SLIT2: variants seen among roughly 807,000 people sequenced by gnomAD.
SLIT2 encodes slit guidance ligand 2, also known as slit homolog 2 protein.
A neutral mutation model predicts 185.7 loss-of-function variants in SLIT2; 41 were observed. The ratio of observed to expected loss-of-function variants is 0.22; its 90% CI spans 0.17 to 0.29. The LOEUF is 0.29. SLIT2 is among the 10% of genes least tolerant of loss of function. The probability of loss-of-function intolerance (pLI) is 1.00; values close to 1 mark genes in which losing one functional copy is unlikely to be tolerated. For synonymous variants in SLIT2, 693 were observed against 680.2 expected, an observed-to-expected ratio of 1.02 and a Z score of -0.29; for missense variants, 1,571 against 1,909.0, an observed-to-expected ratio of 0.82 and a Z score of 3.30.
intron 4 of SLIT2, among the ~76,000 whole-genome samples, chr4:20,298,389 C>T (rs1716706905): frequency 6.6e-6 from 1 of 152,050 alleles, no homozygotes; most frequent in Non-Finnish European, 1.5e-5. Flanking sequence ...GCACCCGGCC[C>T]TATTTTCTGT....
At chr4:20,503,586 A>G (rs565320267) in intron 9 of SLIT2, among the ~76,000 whole-genome samples, 25 of 152,060 alleles carry the variant, frequency 1.6e-4, no homozygotes, top group Admixed American at 4.6e-4. Context: ...AGTCTACACC[A>G]TTTGGTTGCA....
intron 4 of SLIT2, among the ~76,000 whole-genome samples, chr4:20,436,673 A>G (rs987978182): frequency 6.6e-6 from 1 of 152,228 alleles, no homozygotes; most frequent in Admixed American, 6.5e-5. Context: ...ATAAAGTTAA[A>G]TTGGAACACA....
At chr4:20,397,170 C>G (rs1725961759) in intron 4 of SLIT2, among the ~76,000 whole-genome samples, 1 of 151,698 alleles carries the variant, frequency 6.6e-6, no homozygotes, top group Non-Finnish European at 1.5e-5. Context: ...CAGAGTATCA[C>G]AAGTTTAGTG....
chr4:20,596,843 A>G (rs529331176), intron 32 of SLIT2, among the ~76,000 whole-genome samples, 188 bp downstream of exon 32: 5 of 151,758 alleles, frequency 3.3e-5, no homozygotes, highest in Non-Finnish European at 7.4e-5. Context: ...AGACAAAATG[A>G]AAAACAAATA....
At chr4:20,368,219 C>CAAAAAAAAAAAAAAG (rs1723273594) in intron 4 of SLIT2, among the ~76,000 whole-genome samples, 5 of 107,426 alleles carry the variant, frequency 4.7e-5, no homozygotes, top group African/African-American at 7.5e-5. Context: ...CACAAAATAG[C>CAAAAAAAAAAAAAAG]AAAAAAAAAA....
At chr4:20,276,904 A>G (rs994091498) in intron 4 of SLIT2, among the ~76,000 whole-genome samples, 16 of 152,246 alleles carry the variant, frequency 1.1e-4, no homozygotes, top group African/African-American at 2.2e-4. Flanking sequence ...CAAGCCAACA[A>G]TTGTTCCTAA....
chr4:20,411,349 A>G (rs1187931080), intron 4 of SLIT2, among the ~76,000 whole-genome samples: 3 of 152,300 alleles, frequency 2.0e-5, no homozygotes, highest in Non-Finnish European at 2.9e-5. Context: ...AACTTATCAT[A>G]AGAGAGGTCC....
intron 30 of SLIT2, 72 bp from the exon 31 acceptor site, chr4:20,595,625 T>A: frequency 6.3e-7 from 1 of 1,578,836 alleles, no homozygotes; most frequent in Non-Finnish European, 8.7e-7. Context: ...TGCCATTGTG[T>A]CTAGATAAAA....
intron 33 of SLIT2, among the ~76,000 whole-genome samples, chr4:20,599,071 C>T (rs1337158383): frequency 6.6e-6 from 1 of 152,166 alleles, no homozygotes; most frequent in Non-Finnish European, 1.5e-5. Flanking sequence ...TGTGCCAGAC[C>T]TGTCCTGAGC....
At chr4:20,417,187 A>G (rs1727749511) in intron 4 of SLIT2, among the ~76,000 whole-genome samples, 1 of 151,860 alleles carries the variant, frequency 6.6e-6, no homozygotes, top group African/African-American at 2.4e-5. Flanking sequence ...GTCAGGGCCT[A>G]TTGCATTTAT....
intron 31 of SLIT2, 80 bp downstream of exon 31, chr4:20,595,914 C>T (rs962517879): frequency 2.3e-5 from 28 of 1,215,306 alleles, no homozygotes; most frequent in African/African-American, 6.0e-5. Context: ...ATAGTGTAAT[C>T]GTACATTTTA....
intron 24 of SLIT2, 55 bp from the exon 25 acceptor site, chr4:20,550,772 G>A (rs983840835): frequency 3.9e-6 from 4 of 1,036,960 alleles, no homozygotes; most frequent in African/African-American, 1.6e-5. Context: ...AATTTCTCTG[G>A]AGTCTATGAG....
chr4:20,577,429 G>A (rs1270887983), intron 29 of SLIT2, among the ~76,000 whole-genome samples: 1 of 152,008 alleles, frequency 6.6e-6, no homozygotes, highest in Non-Finnish European at 1.5e-5. Flanking sequence ...TATCTCACAG[G>A]GTTTCTCTAT....
At chr4:20,421,283 A>C (rs1728157983) in intron 4 of SLIT2, among the ~76,000 whole-genome samples, 1 of 152,132 alleles carries the variant, frequency 6.6e-6, no homozygotes, top group Non-Finnish European at 1.5e-5. Flanking sequence ...TTTGAAAGTG[A>C]CTTTAGTCTG....
At chr4:20,418,712 T>C (rs150877137) in intron 4 of SLIT2, among the ~76,000 whole-genome samples, 49 of 152,328 alleles carry the variant, frequency 3.2e-4, no homozygotes, top group African/African-American at 1.2e-3. Context: ...TGAGAACAAC[T>C]CTAAGTTGTC....
chr4:20,260,650 A>T (rs1461931334), intron 3 of SLIT2, among the ~76,000 whole-genome samples: 1 of 109,772 alleles, frequency 9.1e-6, no homozygotes, highest in East Asian at 3.2e-4. Flanking sequence ...CAGAAGATAA[A>T]GATCTGTACC....
intron 4 of SLIT2, among the ~76,000 whole-genome samples, chr4:20,320,353 G>A (rs1479388377): frequency 6.6e-6 from 1 of 152,034 alleles, no homozygotes; most frequent in Non-Finnish European, 1.5e-5. Flanking sequence ...GTGTCATGGT[G>A]GAATCACTCA....
intron 4 of SLIT2, among the ~76,000 whole-genome samples, chr4:20,436,765 G>A (rs944441281): frequency 6.6e-6 from 1 of 152,088 alleles, no homozygotes; most frequent in African/African-American, 2.4e-5. Flanking sequence ...CAAAAATATG[G>A]CCTGCAAAGC....
At chr4:20,489,044 G>T in intron 8 of SLIT2, 62 bp downstream of exon 8, 1 of 1,378,736 alleles carries the variant, frequency 7.3e-7, no homozygotes. Context: ...AACAGAATGT[G>T]AGGGCTGCAT....
Sources: gnomAD v4.1 joint callset for allele counts (sites outside exome capture counted in the v4.1 genomes callset) on GRCh38, gnomAD v4.1.1 for gene constraint, MANE v1.5 for transcripts, NCBI Gene and HGNC (gene_info 2026-07-23, HGNC 2026-07-21) for gene names.